POFUT3: variants seen among roughly 807,000 people sequenced by gnomAD.
POFUT3 encodes GDP-fucose protein O-fucosyltransferase 3.
the POFUT3 span, among the ~76,000 whole-genome samples, chr8:33,395,039 T>G: frequency 6.6e-6 from 1 of 152,158 alleles, no homozygotes; most frequent in Admixed American, 6.5e-5. Context: ...CTCTGCAAAC[T>G]TCATTCCTCA....
At chr8:33,457,820 C>T in the POFUT3 span, among the ~76,000 whole-genome samples, 1 of 152,020 alleles carries the variant, frequency 6.6e-6, no homozygotes, top group Non-Finnish European at 1.5e-5. Flanking sequence ...ACAGTTTATA[C>T]AAAATATAGT....
the POFUT3 span, among the ~76,000 whole-genome samples, chr8:33,367,520 C>G: frequency 1.6e-5 from 2 of 127,288 alleles, no homozygotes; most frequent in Non-Finnish European, 1.5e-5. Context: ...CTGTGAGACC[C>G]CTGATTTCCC....
chr8:33,411,056 C>T, the POFUT3 span, among the ~76,000 whole-genome samples: 1 of 152,048 alleles, frequency 6.6e-6, no homozygotes, highest in Non-Finnish European at 1.5e-5. Context: ...AGATGCCAAA[C>T]CTTGAAAATA....
the POFUT3 span, among the ~76,000 whole-genome samples, chr8:33,445,431 G>A: frequency 2.0e-5 from 3 of 152,200 alleles, no homozygotes; most frequent in Non-Finnish European, 4.4e-5. Context: ...TGAAATGGAT[G>A]AGATCAGCAG....
At chr8:33,375,216 C>G in the POFUT3 span, among the ~76,000 whole-genome samples, 1 of 152,026 alleles carries the variant, frequency 6.6e-6, no homozygotes, top group Non-Finnish European at 1.5e-5. Flanking sequence ...TTCACACATT[C>G]TTGCATGTAC....
the POFUT3 span, among the ~76,000 whole-genome samples, chr8:33,443,226 C>T: frequency 6.6e-6 from 1 of 152,078 alleles, no homozygotes; most frequent in Non-Finnish European, 1.5e-5. Flanking sequence ...ATTTTATTAC[C>T]ACCTTTCTGC....
the POFUT3 span, chr8:33,389,611 G>A: frequency 6.2e-7 from 1 of 1,614,200 alleles, no homozygotes; most frequent in Non-Finnish European, 8.5e-7. Context: ...GGACTTCAAT[G>A]CTCTCCAAGT....
chr8:33,336,920 G>A, the POFUT3 span, among the ~76,000 whole-genome samples: 13 of 152,256 alleles, frequency 8.5e-5, no homozygotes, highest in South Asian at 4.1e-4. Flanking sequence ...AATCACCTAT[G>A]CCACTGAACA....
At chr8:33,372,060 T>C in the POFUT3 span, 1 of 715,460 alleles carries the variant, frequency 1.4e-6, no homozygotes, top group Non-Finnish European at 1.7e-6. Context: ...TTCTTTTCAC[T>C]TGAAGAGTGG....
chr8:33,344,729 C>T, the POFUT3 span, among the ~76,000 whole-genome samples: 1 of 152,198 alleles, frequency 6.6e-6, no homozygotes, highest in South Asian at 2.1e-4. Flanking sequence ...ACAGAGTAGA[C>T]GTTCCAGCTA....
At chr8:33,371,773 A>G in the POFUT3 span, 1 of 152,236 alleles carries the variant, frequency 6.6e-6, no homozygotes, top group Non-Finnish European at 1.5e-5. Flanking sequence ...CAGCTTCAGC[A>G]CAATTGGAGT....
chr8:33,367,784 C>T, the POFUT3 span, among the ~76,000 whole-genome samples: 77 of 152,094 alleles, frequency 5.1e-4, no homozygotes, highest in African/African-American at 1.7e-3. Context: ...AAGCAACTTA[C>T]GTTACATTCA....
the POFUT3 span, among the ~76,000 whole-genome samples, chr8:33,409,126 G>A: frequency 6.6e-6 from 1 of 152,084 alleles, no homozygotes; most frequent in Non-Finnish European, 1.5e-5. Context: ...TTTTGAGACA[G>A]AGTTTTGCTT....
the POFUT3 span, among the ~76,000 whole-genome samples, chr8:33,365,086 G>A: frequency 1.3e-5 from 2 of 152,242 alleles, no homozygotes; most frequent in East Asian, 1.9e-4. Flanking sequence ...ACAGAACAGA[G>A]GCCTCAGAAA....
At chr8:33,390,874 G>A in the POFUT3 span, among the ~76,000 whole-genome samples, 6 of 152,214 alleles carry the variant, frequency 3.9e-5, no homozygotes, top group African/African-American at 1.4e-4. Context: ...GATGGATGTG[G>A]TAAGCGATTG....
the POFUT3 span, among the ~76,000 whole-genome samples, chr8:33,385,238 G>A: frequency 6.6e-6 from 1 of 152,132 alleles, no homozygotes; most frequent in Non-Finnish European, 1.5e-5. Context: ...CCTGGTTCCC[G>A]GGTGGTGGGG....
the POFUT3 span, chr8:33,372,330 G>C: frequency 8.0e-7 from 1 of 1,252,512 alleles, no homozygotes; most frequent in Non-Finnish European, 1.0e-6. Flanking sequence ...TGGGTCCACA[G>C]ACACGGACAT....
the POFUT3 span, among the ~76,000 whole-genome samples, chr8:33,308,796 C>A: frequency 2.0e-5 from 3 of 152,038 alleles, no homozygotes; most frequent in African/African-American, 7.2e-5. Flanking sequence ...TGTCAAACAA[C>A]TTGTTACAAA....
chr8:33,404,802 G>A, the POFUT3 span, among the ~76,000 whole-genome samples: 13 of 151,950 alleles, frequency 8.6e-5, no homozygotes, highest in African/African-American at 2.4e-4. Context: ...TTATTAAGGC[G>A]ATGGAAAACC....
Sources: allele counts gnomAD v4.1 joint callset (sites outside exome capture counted in the v4.1 genomes callset), GRCh38; gene constraint gnomAD v4.1.1; transcripts MANE v1.5; gene names NCBI Gene and HGNC (gene_info 2026-07-23, HGNC 2026-07-21).